The following AIFM2 variants were observed in gnomAD, a reference collection of about 807,000 sequenced individuals.
AIFM2 encodes the protein AIF family member 2, ferroptosis suppressor, also known as ferroptosis suppressor protein 1.
A neutral mutation model predicts 35.7 loss-of-function variants in AIFM2; 38 were observed. The observed-to-expected ratio is 1.06, with a 90% confidence interval of 0.82 to 1.39. The LOEUF (loss-of-function observed/expected upper bound fraction) is 1.39, where lower values mean the gene tolerates loss of function less well. Ranked by LOEUF, AIFM2 falls within the 40% of genes most tolerant of loss-of-function variation. The probability of loss-of-function intolerance (pLI) is 0.00; values close to 1 mark genes in which losing one functional copy is unlikely to be tolerated. For missense variants in AIFM2, 476 were observed against 491.2 expected, an observed-to-expected ratio of 0.97 and a Z score of 0.29; for synonymous variants, 185 against 203.5, an observed-to-expected ratio of 0.91 and a Z score of 0.77.
intron 7 of AIFM2, among the ~76,000 whole-genome samples, chr10:70,116,342 C>A (rs2072435633): frequency 6.6e-6 from 1 of 152,206 alleles, no homozygotes; most frequent in Non-Finnish European, 1.5e-5. Flanking sequence ...ACACCACCAA[C>A]CTTTGTCATC....
intron 1 of AIFM2, among the ~76,000 whole-genome samples, chr10:70,128,940 G>A (rs528719468): frequency 6.6e-5 from 10 of 152,098 alleles, no homozygotes; most frequent in East Asian, 3.9e-4. Context: ...ACTGCACTTC[G>A]GCCTGGGCAA....
rs1199466467 is a variant in AIFM2 at position 70,123,484 on chromosome 10, G to A, written c.215C>T (p.Thr72Ile). The A allele has an allele frequency of 1.9e-6, 3 of 1,614,174 alleles. No homozygotes were observed. Among genetic ancestry groups the A allele is most frequent in the Middle Eastern group, 1.6e-4 (1 of 6,062 alleles). Reference sequence around the variant, plus strand: ...CCCCTGCCGGAAGTTGTCCTTGAAAGTCACCGAGTAAGAAATGAATGTCTT... The same window carrying A: ...CCCCTGCCGGAAGTTGTCCTTGAAAATCACCGAGTAAGAAATGAATGTCTT... ...AKKTFISYSVTFKDNFRQGLV... is the reference protein window; with the variant it reads ...AKKTFISYSVIFKDNFRQGLV... Residue 72 changes from threonine (T) to isoleucine (I), a missense_variant, in exon 3 of 9, where the codon ACT (threonine) becomes ATT (isoleucine). Physicochemically the swap from Thr to Ile is moderately conservative, Grantham distance 89. Transcript: ENST00000307864.
In AIFM2 at chr10:70,116,718, T is replaced by G; in HGVS notation, c.673A>C (p.Lys225Gln). Residue 225 changes from lysine to glutamine, a missense_variant, in exon 7 of 9, where the codon AAA (lysine) becomes CAA (glutamine). Physicochemically the swap from Lys to Gln is moderately conservative, Grantham distance 53. Coordinates refer to ENST00000307864, the MANE Select transcript of AIFM2 (RefSeq NM_032797.6). ...TCTGTGCCTTTGTCCGTCTGCACTTTGATGTACTCTCGATACTCATTGAGA... is the reference window on the plus strand; with the variant it reads ...TCTGTGCCTTTGTCCGTCTGCACTTGGATGTACTCTCGATACTCATTGAGA... ...LPLNEYREYIKVQTDKGTEVA... is the reference protein window; with the variant it reads ...LPLNEYREYIQVQTDKGTEVA... 8 of 1,614,176 alleles carry G rather than the reference T, an allele frequency of 5.0e-6. No individual in the cohort carries two copies. Among genetic ancestry groups the G allele is most frequent in the Non-Finnish European group, 6.8e-6 (8 of 1,180,038 alleles).
At position 70,123,953 on chromosome 10, in the gene AIFM2, G is replaced by C. The variant is rs41277976; in HGVS notation, c.132C>G (p.Asp44Glu). The C allele has an allele frequency of 1.2e-6, 2 of 1,610,004 alleles. No homozygotes were observed. Among genetic ancestry groups the C allele is most frequent in the Middle Eastern group, 1.7e-4 (1 of 6,016 alleles). The change falls in exon 2 of 9, where the codon GAC (aspartate) becomes GAG (glutamate). Residue 44 changes from aspartate (D) to glutamate (E), a missense_variant. Asp to Glu is a conservative substitution (Grantham distance 45). Coordinates refer to ENST00000307864, the MANE Select transcript of AIFM2 (RefSeq NM_032797.6). ...NVPFMLVDMKDSFHHNVAALR... is the reference protein window; with the variant it reads ...NVPFMLVDMKESFHHNVAALR... Reference sequence around the variant, plus strand: ...GAGCAGCCACATTGTGGTGGAAGGAGTCCTTCATGTCCACCAGCATGAAGG... The same window carrying C: ...GAGCAGCCACATTGTGGTGGAAGGACTCCTTCATGTCCACCAGCATGAAGG...
In AIFM2 at chr10:70,123,901, C is replaced by T; in HGVS notation, c.178+6G>A. 1.3e-6 allele frequency: 2 copies of T among 1,567,038 alleles called. No individual in the cohort carries two copies. The highest frequency in any genetic ancestry group is 1.7e-6 in the Non-Finnish European group (2 of 1,151,646). ...ACAGAGACAGCCCCAGACGGGAGCA[C>T]ATTACCTGTCTCCACGGAGGCTCGG... On this transcript the variant is annotated splice_donor_region_variant and intron_variant, in intron 2 of 8. Transcript: ENST00000307864.
At chr10:70,125,651 G>A (rs909797761) in intron 1 of AIFM2, among the ~76,000 whole-genome samples, 2 of 151,508 alleles carry the variant, frequency 1.3e-5, no homozygotes, top group African/African-American at 4.8e-5. Context: ...ATAAATATTG[G>A]TAGAGATGGG....
chr10:70,121,183 G>T lies in AIFM2; in HGVS notation c.323C>A (p.Ala108Asp), dbSNP rs11540332. 6.3e-7 allele frequency: 1 copy of T among 1,596,678 alleles called. No homozygotes were observed. Among genetic ancestry groups the T allele is most frequent in the Non-Finnish European group, 8.5e-7 (1 of 1,172,590 alleles). ...CGGGAAGGGCCCAGTGCTGCCCGTG[G>T]CCAGGATAAGATGAGAGAAGGGCAG... is the stretch of plus-strand genomic sequence containing the variant. The part of the protein sequence containing the change: ...EALPFSHLIL[A>D]TGSTGPFPGK... Residue 108 changes from alanine to aspartate, a missense_variant, in exon 4 of 9, where the codon GCC (alanine) becomes GAC (aspartate). Ala to Asp is a moderately radical substitution (Grantham distance 126). Coordinates refer to ENST00000307864, the MANE Select transcript of AIFM2 (RefSeq NM_032797.6).
chr10:70,121,223 C>CAAA lies in AIFM2; in HGVS notation c.295-15_295-13dup, dbSNP rs35599207. ...GAGAAGGGCAGGGCCTGAGAGAAAC[C>CAAA]AAAAAAAAAAAAAAAAAAAAAAAAA... On this transcript the variant is annotated splice_polypyrimidine_tract_variant and intron_variant, in intron 3 of 8. Coordinates refer to ENST00000307864, the MANE Select transcript of AIFM2 (RefSeq NM_032797.6). 512 of 664,874 alleles carry CAAA rather than the reference C, an allele frequency of 7.7e-4. No homozygotes were observed. The highest frequency in any genetic ancestry group is 2.1e-3 in the Middle Eastern group (3 of 1,452). The allele number at this position is 664,874 out of a possible 1,614,324, so 41.2% of individuals were successfully genotyped here.
rs942288859 is a variant in AIFM2 at position 70,121,080 on chromosome 10, T to G, written c.414+12A>C. On this transcript the variant is annotated intron_variant, in intron 4 of 8. Coordinates refer to ENST00000307864, the MANE Select transcript of AIFM2 (RefSeq NM_032797.6). ...TGCCCACACTGCCCCATGCCTTCAG[T>G]GCACAGCTCACCTGCCTCACCATGT... 3 of 1,607,558 alleles carry G rather than the reference T, an allele frequency of 1.9e-6. No homozygotes were observed. The highest frequency in any genetic ancestry group is 3.4e-5 in the Admixed American group (2 of 58,818).
intron 7 of AIFM2, 129 bp downstream of exon 7, chr10:70,116,493 G>C: frequency 8.1e-7 from 1 of 1,240,276 alleles, no homozygotes; most frequent in Non-Finnish European, 1.1e-6. Context: ...TGAATTTAAA[G>C]TCTGAGCTGT....
At chr10:70,129,453 G>A (rs1235235282) in intron 1 of AIFM2, among the ~76,000 whole-genome samples, 1 of 152,004 alleles carries the variant, frequency 6.6e-6, no homozygotes, top group Non-Finnish European at 1.5e-5. Flanking sequence ...TCCCATTTAT[G>A]GCCAATAAGA....
In AIFM2 at chr10:70,131,693, C is replaced by A. The variant is rs979534007; in HGVS notation, c.-14+1041G>T. On this transcript the variant is annotated intron_variant, in intron 1 of 8. Coordinates refer to ENST00000307864, the MANE Select transcript of AIFM2 (RefSeq NM_032797.6). This position sits in a 1 kb window ranked among gnomAD's most constrained non-coding sequence, Gnocchi z 4.1. The stretch of plus-strand genomic sequence containing the variant: ...AAAGTCAGGCTGGCCCTGGAGTCCA[C>A]CGGCCTGCCCAGCCCATCACTTCTG... 6.6e-6 allele frequency among the ~76,000 whole-genome samples: 1 copy of A among 152,186 alleles called. No homozygotes were observed. Among genetic ancestry groups the A allele is most frequent in the Admixed American group, 6.5e-5 (1 of 15,284 alleles).
Position 70,117,650 on chromosome 10 carries a change from C to T in AIFM2, c.616+162G>A, listed in dbSNP as rs1401909002. Among the ~76,000 whole-genome samples the T allele has an allele frequency of 6.6e-6, 1 of 152,194 alleles. No homozygotes were observed. Among genetic ancestry groups the T allele is most frequent in the Non-Finnish European group, 1.5e-5 (1 of 68,032 alleles). On this transcript the variant is annotated intron_variant, in intron 6 of 8. Coordinates refer to ENST00000307864, the MANE Select transcript of AIFM2 (RefSeq NM_032797.6). This position sits in a 1 kb window ranked among gnomAD's most constrained non-coding sequence, Gnocchi z 4.7. Reference sequence around the variant, plus strand: ...AGGCTCAGATGGGCTTTGATGTTCACGGCCTCTTCTGAGCGCTTCATGCTC... The same window carrying T: ...AGGCTCAGATGGGCTTTGATGTTCATGGCCTCTTCTGAGCGCTTCATGCTC...
At chr10:70,114,892 A>G in intron 8 of AIFM2, 28 bp downstream of exon 8, 1 of 1,610,788 alleles carries the variant, frequency 6.2e-7, no homozygotes, top group East Asian at 2.2e-5. Flanking sequence ...CTCTATTAAA[A>G]CTGCAAAGCA....
chr10:70,126,585 G>A (rs1364510139), intron 1 of AIFM2, among the ~76,000 whole-genome samples: 2 of 152,252 alleles, frequency 1.3e-5, no homozygotes, highest in African/African-American at 4.8e-5. Flanking sequence ...GGGACTATAA[G>A]GCCCAACCAG....
intron 1 of AIFM2, among the ~76,000 whole-genome samples, chr10:70,132,140 T>C (rs2072632994): frequency 1.3e-5 from 2 of 152,310 alleles, no homozygotes; most frequent in Non-Finnish European, 2.9e-5. Context: ...CCAGGTGGAC[T>C]GCACGCGTCC....
chr10:70,130,337 T>G (rs1252735447), intron 1 of AIFM2, among the ~76,000 whole-genome samples: 1 of 152,142 alleles, frequency 6.6e-6, no homozygotes, highest in East Asian at 1.9e-4. Flanking sequence ...ACCCTAGCCC[T>G]GGGTAGCTAC....
In AIFM2 at chr10:70,123,520, C is replaced by A; in HGVS notation, c.179G>T (p.Gly60Val). ...VAALRASVET[G>V]FAKKTFISYS... ...AGAAATGAATGTCTTTTTGGCGAACCCTGGGGAAGGGACACAGAAGAGGTC... is the reference window on the plus strand; with the variant it reads ...AGAAATGAATGTCTTTTTGGCGAACACTGGGGAAGGGACACAGAAGAGGTC... Residue 60 changes from glycine (G) to valine (V), a missense_variant and splice_region_variant, in exon 3 of 9, where the codon GGG becomes GTG. Coordinates refer to ENST00000307864, the MANE Select transcript of AIFM2 (RefSeq NM_032797.6). 6.2e-7 allele frequency: 1 copy of A among 1,613,798 alleles called. No homozygotes were observed. Among genetic ancestry groups the A allele is most frequent in the Non-Finnish European group, 8.5e-7 (1 of 1,179,756 alleles).
chr10:70,123,331 G>A, intron 3 of AIFM2, 74 bp downstream of exon 3: 2 of 1,327,316 alleles, frequency 1.5e-6, no homozygotes, highest in Non-Finnish European at 2.1e-6. Flanking sequence ...GCTCTCTCTT[G>A]ACCCTGGAGG....
Sources: allele counts gnomAD v4.1 joint callset (sites outside exome capture counted in the v4.1 genomes callset), GRCh38; gene constraint gnomAD v4.1.1; non-coding constraint Gnocchi (gnomAD v3.1); transcripts MANE v1.5; gene names NCBI Gene and HGNC (gene_info 2026-07-23, HGNC 2026-07-21).